The following PPP4R3B variants were observed in gnomAD, a reference collection of about 807,000 sequenced individuals.
PPP4R3B encodes protein phosphatase 4 regulatory subunit 3B, also known as serine/threonine-protein phosphatase 4 regulatory subunit 3B.
A neutral mutation model predicts 95.4 loss-of-function variants in PPP4R3B; 52 were observed. That is an observed-to-expected ratio of 0.54 (90% CI 0.44 to 0.69). PPP4R3B has a LOEUF of 0.69. PPP4R3B is among the 30% of genes least tolerant of loss of function. The pLI is 0.00. For synonymous variants in PPP4R3B, 407 were observed against 343.9 expected (o/e 1.18, Z -2.03); for missense variants, 1,003 against 1,005.9 (o/e 1.00, Z 0.04).
At chr2:55,583,976 T>C (rs1284355354) in intron 7 of PPP4R3B, among the ~76,000 whole-genome samples, 3 of 152,080 alleles carry the variant, frequency 2.0e-5, no homozygotes, top group Non-Finnish European at 4.4e-5. Context: ...GAGGCCGAGA[T>C]GGGTGGATCA....
intron 3 of PPP4R3B, among the ~76,000 whole-genome samples, chr2:55,602,952 C>T (rs562414944): frequency 2.0e-4 from 30 of 151,414 alleles, no homozygotes; most frequent in South Asian, 1.0e-3. Flanking sequence ...ATTTCTAGGA[C>T]GAATACTCTT....
At chr2:55,578,393 T>G (rs1440638000) in intron 9 of PPP4R3B, 51 bp from the exon 10 acceptor site, 2 of 1,266,240 alleles carry the variant, frequency 1.6e-6, no homozygotes, top group African/African-American at 1.5e-5. Context: ...AGGGAGTATA[T>G]GAGTGTCTGT....
intron 8 of PPP4R3B, 52 bp downstream of exon 8, chr2:55,581,515 C>A: frequency 6.5e-7 from 1 of 1,538,284 alleles, no homozygotes; most frequent in Non-Finnish European, 8.8e-7. Context: ...TATTACAAAG[C>A]CACCTAAAAC....
chr2:55,580,708 A>G (rs1689335400), intron 8 of PPP4R3B, among the ~76,000 whole-genome samples: 2 of 152,214 alleles, frequency 1.3e-5, no homozygotes, highest in South Asian at 4.1e-4. Context: ...TTTTTACACA[A>G]TTGGGTATAC....
At position 55,554,329 on chromosome 2, in the gene PPP4R3B, C is replaced by G. The variant is rs563404442; in HGVS notation, c.2455-4323G>C. ...TCGGCCTCCCAAAATGCTGGGATTACAGGCATAAGCCTATGCACCAGGCCT... is the reference window on the plus strand; with the variant it reads ...TCGGCCTCCCAAAATGCTGGGATTAGAGGCATAAGCCTATGCACCAGGCCT... On this transcript the variant is annotated intron_variant, in intron 16 of 16. Transcript: ENST00000616407. Among the ~76,000 whole-genome samples the G allele has an allele frequency of 2.6e-5, 4 of 152,370 alleles. No individual in the cohort carries two copies. The East Asian group carries it at 7.7e-4, about 29-fold the overall frequency.
chr2:55,598,133 T>C (rs1692053927), intron 4 of PPP4R3B, among the ~76,000 whole-genome samples: 1 of 152,080 alleles, frequency 6.6e-6, no homozygotes, highest in Admixed American at 6.5e-5. Context: ...GGAAGAAGAA[T>C]TGCTTGAACC....
rs896357666 is a variant in PPP4R3B, at chr2:55,590,288, T to C, written c.922-1332A>G. On this transcript the variant is annotated intron_variant, in intron 4 of 16. Transcript: ENST00000616407. ...GTTGCAGTGAGCCGAGATTGCGCCA[T>C]TGCAGTCCAGCCTGGGCAACAAGAG... is the stretch of plus-strand genomic sequence containing the variant. 5.3e-5 allele frequency among the ~76,000 whole-genome samples: 8 copies of C among 151,994 alleles called. No homozygotes were observed. The South Asian group carries it at 8.3e-4, about 16-fold the overall frequency.
intron 11 of PPP4R3B, among the ~76,000 whole-genome samples, chr2:55,574,251 C>T (rs1688367775): frequency 6.6e-6 from 1 of 151,168 alleles, no homozygotes; most frequent in South Asian, 2.1e-4. Flanking sequence ...TTTCATTAGG[C>T]AGACTCTCCA....
chr2:55,615,644 A>G, intron 1 of PPP4R3B, 138 bp from the exon 2 acceptor site: 1 of 564,852 alleles, frequency 1.8e-6, no homozygotes. Context: ...TCACGAGGTC[A>G]AGAGATCCAG....
At chr2:55,588,050 G>C (rs1353578435) in intron 5 of PPP4R3B, among the ~76,000 whole-genome samples, 1 of 151,796 alleles carries the variant, frequency 6.6e-6, no homozygotes, top group South Asian at 2.1e-4. Flanking sequence ...CATTATGTTT[G>C]AAAAAAATGT....
chr2:55,579,866 A>T, intron 8 of PPP4R3B, 85 bp from the exon 9 acceptor site: 1 of 738,306 alleles, frequency 1.4e-6, no homozygotes, highest in Non-Finnish European at 2.1e-6. Flanking sequence ...CTTTTCCAGA[A>T]CCAAACCAAA....
intron 7 of PPP4R3B, among the ~76,000 whole-genome samples, chr2:55,582,499 A>T (rs1224974612): frequency 6.6e-6 from 1 of 152,244 alleles, no homozygotes; most frequent in Non-Finnish European, 1.5e-5. Context: ...AAAGAAAATC[A>T]GATGTTCAAA....
chr2:55,583,966 G>C (rs1689767056), intron 7 of PPP4R3B, among the ~76,000 whole-genome samples: 4 of 152,082 alleles, frequency 2.6e-5, no homozygotes, highest in Non-Finnish European at 4.4e-5. Context: ...AGCACTTTAG[G>C]AGGCCGAGAT....
intron 4 of PPP4R3B, among the ~76,000 whole-genome samples, chr2:55,596,101 G>A (rs1254053163): frequency 6.6e-6 from 1 of 151,906 alleles, no homozygotes; most frequent in Non-Finnish European, 1.5e-5. Flanking sequence ...CCACATACTC[G>A]TATACACCCC....
In PPP4R3B at chr2:55,598,626, T is replaced by A. The variant is rs1692126816; in HGVS notation, c.711A>T (p.Arg237Ser). ...EYDPALAQPKRHREFLTKTAK... is the reference protein window; with the variant it reads ...EYDPALAQPKSHREFLTKTAK... ...CAGTTTTGGTCAAGAATTCTCTATGTCTTTTTGGCTGAGCCAAAGCAGGGT... is the reference window on the plus strand; with the variant it reads ...CAGTTTTGGTCAAGAATTCTCTATGACTTTTTGGCTGAGCCAAAGCAGGGT... Residue 237 changes from arginine to serine, a missense_variant, in exon 4 of 17, where the codon AGA becomes AGT. By Grantham distance (110) the Arg-to-Ser change is moderately radical. Around this residue, in one of 3 missense-constraint regions of PPP4R3B, gnomAD observed 695 missense variants for 686.2 expected, o/e 1.01. Transcript: ENST00000616407. 1.9e-6 allele frequency: 3 copies of A among 1,614,212 alleles called. No individual in the cohort carries two copies. The highest frequency in any genetic ancestry group is 2.5e-6 in the Non-Finnish European group (3 of 1,180,046).
intron 9 of PPP4R3B, among the ~76,000 whole-genome samples, 156 bp from the exon 10 acceptor site, chr2:55,578,498 C>T (rs1688997014): frequency 6.6e-6 from 1 of 152,038 alleles, no homozygotes; most frequent in Non-Finnish European, 1.5e-5. Flanking sequence ...TGGAACCATT[C>T]TGCAAGAAAA....
chr2:55,588,826 T>A, intron 5 of PPP4R3B, 53 bp downstream of exon 5: 2 of 1,176,576 alleles, frequency 1.7e-6, no homozygotes, highest in East Asian at 2.4e-5. Context: ...GATTAAAAGC[T>A]GTGCATGCCA....
chr2:55,589,402 GTAGA>G (rs1240953246), intron 4 of PPP4R3B, among the ~76,000 whole-genome samples: 2 of 152,178 alleles, frequency 1.3e-5, no homozygotes, highest in African/African-American at 2.4e-5. Context: ...AATTCCGACA[GTAGA>G]TAAAGTTACA....
Position 55,585,119 on chromosome 2 carries a change from A to G in PPP4R3B, c.1165T>C (p.Tyr389His). Residue 389 changes from tyrosine (Y) to histidine (H), a missense_variant, in exon 7 of 17, where the codon TAT (tyrosine) becomes CAT (histidine). Coordinates refer to ENST00000616407, the MANE Select transcript of PPP4R3B (RefSeq NM_001122964.3). ...ATAGATGGACTAAATTCTACTAGAT[A>G]AGAAAATATATCTGTAGCAGCTGAT... is the stretch of plus-strand genomic sequence containing the variant. ...VRSAATDIFSYLVEFSPSMVR... is the reference protein window; with the variant it reads ...VRSAATDIFSHLVEFSPSMVR... 1 of 1,611,592 alleles carries G rather than the reference A, an allele frequency of 6.2e-7. No individual in the cohort carries two copies. The highest frequency in any genetic ancestry group is 8.5e-7 in the Non-Finnish European group (1 of 1,178,992).
Sources: allele counts gnomAD v4.1 joint callset (sites outside exome capture counted in the v4.1 genomes callset), GRCh38; gene constraint gnomAD v4.1.1; regional missense constraint gnomAD v4.1.1; transcripts MANE v1.5; gene names NCBI Gene and HGNC (gene_info 2026-07-23, HGNC 2026-07-21).